The following CCDC60 variants were observed in gnomAD, a reference collection of about 807,000 sequenced individuals.
CCDC60 encodes coiled-coil domain-containing protein 60.
In CCDC60, 54 loss-of-function variants were observed where a neutral mutation model predicts 63.5. The ratio of observed to expected loss-of-function variants is 0.85; its 90% CI spans 0.68 to 1.07. The LOEUF (loss-of-function observed/expected upper bound fraction) is 1.07. Among genes scored for constraint, CCDC60 ranks in the 50% least tolerant of loss-of-function variants. The pLI is 0.00. For synonymous variants in CCDC60, 206 were observed against 238.8 expected (o/e 0.86, Z 1.27); for missense variants, 651 against 684.3 (o/e 0.95, Z 0.54).
chr12:119,347,122 T>C (rs757238067), intron 1 of CCDC60, among the ~76,000 whole-genome samples: 2 of 152,142 alleles, frequency 1.3e-5, no homozygotes, highest in Non-Finnish European at 2.9e-5. Context: ...GTGCCCGGCC[T>C]AGACTCATCT....
At chr12:119,368,452 T>G (rs2136173141) in intron 1 of CCDC60, among the ~76,000 whole-genome samples, 1 of 152,316 alleles carries the variant, frequency 6.6e-6, no homozygotes, top group East Asian at 1.9e-4. Context: ...TTAACTCTTT[T>G]GTGGCTGGAT....
chr12:119,496,209 C>T (rs1252427760), intron 5 of CCDC60, among the ~76,000 whole-genome samples: 5 of 152,194 alleles, frequency 3.3e-5, no homozygotes, highest in Non-Finnish European at 7.3e-5. Flanking sequence ...ATGAGCACGT[C>T]CTAACCTAGC....
intron 2 of CCDC60, chr12:119,433,645 A>G (rs1950275241): frequency 1.4e-6 from 1 of 696,808 alleles, no homozygotes; most frequent in African/African-American, 1.8e-5. Context: ...GATGATGTTG[A>G]CTTTTCCATC....
chr12:119,478,358 C>A (rs1213588278), intron 3 of CCDC60, among the ~76,000 whole-genome samples: 3 of 89,128 alleles, frequency 3.4e-5, no homozygotes, highest in African/African-American at 1.3e-4. Flanking sequence ...ATGACAACAA[C>A]CACCCCCCCC....
At position 119,514,342 on chromosome 12, in the gene CCDC60, A is replaced by ATT. The variant is rs34264020; in HGVS notation, c.884-2265_884-2264dup. ...CAGGCACCTGCCACCACATCTGGCT[A>ATT]TTTTTTTTTTTTTTTTTGTATTTTT... On this transcript the variant is annotated intron_variant, in intron 7 of 13. Transcript: ENST00000327554. 5.6e-3 allele frequency among the ~76,000 whole-genome samples: 718 copies of ATT among 127,356 alleles called. 3 individuals carry two copies. Among genetic ancestry groups the ATT allele is most frequent in the Non-Finnish European group, 6.8e-3 (413 of 60,370 alleles). 83.6% of individuals were successfully genotyped at this position (127,356 alleles called of 152,430 possible). A position where few individuals can be genotyped will look rare whatever the true frequency, so the allele number is the denominator to read the frequency against.
At chr12:119,376,968 A>T (rs1169611822) in intron 1 of CCDC60, among the ~76,000 whole-genome samples, 2 of 151,538 alleles carry the variant, frequency 1.3e-5, no homozygotes, top group African/African-American at 4.9e-5. Flanking sequence ...CAATATTCCA[A>T]CTCAGGCCAG....
At chr12:119,476,467 A>G (rs1951180554) in intron 3 of CCDC60, among the ~76,000 whole-genome samples, 1 of 152,160 alleles carries the variant, frequency 6.6e-6, no homozygotes. Context: ...ACATTGGAGG[A>G]CATAGATTCT....
intron 1 of CCDC60, among the ~76,000 whole-genome samples, chr12:119,411,158 C>T (rs1012201192): frequency 7.9e-5 from 12 of 152,042 alleles, no homozygotes; most frequent in African/African-American, 2.2e-4. Flanking sequence ...TGTAGAGAAA[C>T]GTGATTGGAC....
intron 1 of CCDC60, among the ~76,000 whole-genome samples, chr12:119,385,587 G>A (rs56842455): frequency 2.6e-5 from 4 of 152,200 alleles, no homozygotes; most frequent in African/African-American, 7.2e-5. Flanking sequence ...GGAACTATGA[G>A]TCCATTAAAC....
At chr12:119,360,430 G>A (rs1292014181) in intron 1 of CCDC60, among the ~76,000 whole-genome samples, 1 of 151,428 alleles carries the variant, frequency 6.6e-6, no homozygotes, top group African/African-American at 2.4e-5. Flanking sequence ...TGGCTGCCGG[G>A]CGGAGACGCT....
rs552145507 is a variant in CCDC60, at chr12:119,420,089, G to A, written c.91-8594G>A. On this transcript the variant is annotated intron_variant, in intron 1 of 13. Coordinates refer to ENST00000327554, the MANE Select transcript of CCDC60 (RefSeq NM_178499.5). This position sits in a 1 kb window ranked among gnomAD's most constrained non-coding sequence, Gnocchi z 4.1. ...GATAGGGTTTCACCGTGTTAGCCGGGATGGTCTCGAACTCCTGACCTCGTG... is the reference window on the plus strand; with the variant it reads ...GATAGGGTTTCACCGTGTTAGCCGGAATGGTCTCGAACTCCTGACCTCGTG... Among the ~76,000 whole-genome samples, 3 of 151,988 alleles carry A rather than the reference G, an allele frequency of 2.0e-5. No individual in the cohort carries two copies. The highest frequency in any genetic ancestry group is 4.4e-5 in the Non-Finnish European group (3 of 67,988).
chr12:119,339,006 T>A (rs1955504185), intron 1 of CCDC60, among the ~76,000 whole-genome samples: 1 of 152,228 alleles, frequency 6.6e-6, no homozygotes, highest in Non-Finnish European at 1.5e-5. Context: ...TTTTTGTTTT[T>A]GTTTTTTTTA....
chr12:119,496,493 G>C (rs1244721536), intron 5 of CCDC60, among the ~76,000 whole-genome samples: 1 of 152,144 alleles, frequency 6.6e-6, no homozygotes, highest in Non-Finnish European at 1.5e-5. Flanking sequence ...CTCCCCCAAG[G>C]ATCTGCCCTA....
chr12:119,385,886 T>C (rs1002707430), intron 1 of CCDC60, among the ~76,000 whole-genome samples: 5 of 152,326 alleles, frequency 3.3e-5, no homozygotes, highest in Non-Finnish European at 5.9e-5. Flanking sequence ...CCATCCCTTG[T>C]AGGGGGATCT....
At chr12:119,371,302 C>G (rs931768966) in intron 1 of CCDC60, among the ~76,000 whole-genome samples, 1 of 152,146 alleles carries the variant, frequency 6.6e-6, no homozygotes, top group African/African-American at 2.4e-5. Context: ...AAGTGGTACC[C>G]ATGTTCAATA....
intron 7 of CCDC60, 61 bp from the exon 8 acceptor site, chr12:119,516,562 C>A: frequency 8.2e-7 from 1 of 1,214,390 alleles, no homozygotes; most frequent in South Asian, 1.3e-5. Flanking sequence ...GCACCCTGTT[C>A]TGCACAATCC....
chr12:119,395,886 A>C (rs1262398105), intron 1 of CCDC60, among the ~76,000 whole-genome samples: 1 of 150,380 alleles, frequency 6.6e-6, no homozygotes, highest in Non-Finnish European at 1.5e-5. Context: ...TAGCCTCATC[A>C]CTCCAGTCTC....
At chr12:119,335,369 G>A (rs554259541) in intron 1 of CCDC60, 103 bp downstream of exon 1, 6 of 801,686 alleles carry the variant, frequency 7.5e-6, no homozygotes, top group African/African-American at 1.8e-5. Flanking sequence ...CTGAGGAATC[G>A]CCACACTGAC....
At chr12:119,486,646 A>C (rs1457654344) in intron 4 of CCDC60, among the ~76,000 whole-genome samples, 1 of 152,138 alleles carries the variant, frequency 6.6e-6, no homozygotes, top group Non-Finnish European at 1.5e-5. Flanking sequence ...AAGGAAAGAG[A>C]GTTTCTCATG....
Sources: gnomAD v4.1 joint callset for allele counts (sites outside exome capture counted in the v4.1 genomes callset) on GRCh38, gnomAD v4.1.1 for gene constraint, Gnocchi (gnomAD v3.1) non-coding constraint, MANE v1.5 for transcripts, NCBI Gene and HGNC (gene_info 2026-07-23, HGNC 2026-07-21) for gene names.